Variants in CNOT1 observed in about 807,000 individuals in gnomAD.
The protein encoded by CNOT1 is CCR4-NOT transcription complex subunit 1.
In CNOT1, 15 loss-of-function variants were observed where a neutral mutation model predicts 273.8. That is an observed-to-expected ratio of 0.05 (90% CI 0.04 to 0.08). The LOEUF (loss-of-function observed/expected upper bound fraction) is 0.08. CNOT1 is among the 10% of genes least tolerant of loss of function. The pLI, the probability that CNOT1 is intolerant of heterozygous loss-of-function variation, is 1.00. For synonymous variants in CNOT1, 1,022 were observed against 1,005.5 expected (o/e 1.02, Z -0.31); for missense variants, 1,644 against 2,912.2 (o/e 0.56, Z 10.02).
chr16:58,558,923 A>G (rs557106677), intron 17 of CNOT1, among the ~76,000 whole-genome samples: 1 of 152,218 alleles, frequency 6.6e-6, no homozygotes, highest in Non-Finnish European at 1.5e-5. Flanking sequence ...CTTATTGAAA[A>G]TACTTGGAAC....
At chr16:58,569,356 A>C (rs2041179727) in intron 16 of CNOT1, among the ~76,000 whole-genome samples, 1 of 152,142 alleles carries the variant, frequency 6.6e-6, no homozygotes. Flanking sequence ...TCCTGATCTC[A>C]AGTGATCCAC....
Position 58,614,732 on chromosome 16 carries a change from C to T in CNOT1, c.-175+14996G>A, listed in dbSNP as rs569726059. Among the ~76,000 whole-genome samples, 8 of 125,188 alleles carry T rather than the reference C, an allele frequency of 6.4e-5. 2 individuals carry two copies. Among genetic ancestry groups the T allele is most frequent in the Admixed American group, 1.6e-4 (2 of 12,724 alleles). The allele number at this position is 125,188 out of a possible 152,430, so 82.1% of individuals were successfully genotyped here. A position where few individuals can be genotyped will look rare whatever the true frequency, so the allele number is the denominator to read the frequency against. Reference sequence around the variant, plus strand: ...TTTATTGTATTTTATTTTTTTGAGACGGGGTCTCACTCTGTCGCCCAGGAT... The same window carrying T: ...TTTATTGTATTTTATTTTTTTGAGATGGGGTCTCACTCTGTCGCCCAGGAT... On this transcript the variant is annotated intron_variant, in intron 1 of 48. Transcript: ENST00000317147.
At chr16:58,521,526 G>A (rs1297859440) in intron 47 of CNOT1, among the ~76,000 whole-genome samples, 4 of 152,188 alleles carry the variant, frequency 2.6e-5, no homozygotes, top group African/African-American at 9.6e-5. Context: ...AGAAGACTAA[G>A]TATTTATATA....
chr16:58,582,586 T>C (rs1410688779), intron 10 of CNOT1, among the ~76,000 whole-genome samples: 2 of 152,142 alleles, frequency 1.3e-5, no homozygotes, highest in Non-Finnish European at 2.9e-5. Flanking sequence ...TAAACAAGAG[T>C]AACTTAGAAG....
chr16:58,542,370 T>C, intron 32 of CNOT1, 35 bp from the exon 33 acceptor site: 4 of 1,613,686 alleles, frequency 2.5e-6, no homozygotes, highest in East Asian at 2.2e-5. Context: ...GTTCTTGTTA[T>C]AAGGCACTTC....
intron 30 of CNOT1, among the ~76,000 whole-genome samples, chr16:58,544,400 T>C (rs113286687): frequency 3.9e-5 from 6 of 152,110 alleles, no homozygotes; most frequent in African/African-American, 1.4e-4. Context: ...TTATTGCAGG[T>C]GTAAATTATG....
chr16:58,604,837 A>G (rs1171162747), intron 1 of CNOT1, among the ~76,000 whole-genome samples: 1 of 148,792 alleles, frequency 6.7e-6, no homozygotes, highest in African/African-American at 2.5e-5. Context: ...TTAAAAAAAA[A>G]AAAAAAAACC....
At chr16:58,555,681 G>A (rs2040607134) in intron 20 of CNOT1, 103 bp downstream of exon 20, 35 of 1,566,798 alleles carry the variant, frequency 2.2e-5, no homozygotes, top group Admixed American at 1.3e-4. Context: ...AACACAAACC[G>A]CTATATCAGG....
chr16:58,588,957 A>G (rs2041963068), intron 2 of CNOT1, 51 bp from the exon 3 acceptor site: 1 of 1,511,438 alleles, frequency 6.6e-7, no homozygotes, highest in Admixed American at 2.5e-5. Context: ...AAACAAAAAA[A>G]AAAAGTAAGG....
intron 1 of CNOT1, among the ~76,000 whole-genome samples, chr16:58,602,577 A>T (rs527926710): frequency 6.9e-6 from 1 of 144,786 alleles, no homozygotes; most frequent in Admixed American, 7.0e-5. Context: ...AAAAAAAAAA[A>T]CCCATCCATA....
intron 39 of CNOT1, 136 bp downstream of exon 39, chr16:58,536,853 A>G (rs1031140315): frequency 1.5e-6 from 2 of 1,358,748 alleles, no homozygotes; most frequent in African/African-American, 1.5e-5. Context: ...TTAACCATAT[A>G]ATGATGACAG....
intron 1 of CNOT1, among the ~76,000 whole-genome samples, chr16:58,608,950 T>C (rs1243136674): frequency 6.6e-6 from 1 of 152,112 alleles, no homozygotes; most frequent in Non-Finnish European, 1.5e-5. Context: ...ACAATAGACC[T>C]TGGGGATTCA....
At chr16:58,608,148 C>G (rs1290317034) in intron 1 of CNOT1, among the ~76,000 whole-genome samples, 1 of 151,744 alleles carries the variant, frequency 6.6e-6, no homozygotes, top group Non-Finnish European at 1.5e-5. Flanking sequence ...TTCACTCCAG[C>G]CAGGGTGACA....
Position 58,551,836 on chromosome 16 carries a change from A to G in CNOT1, c.2971-17T>C. The G allele has an allele frequency of 1.2e-6, 2 of 1,611,866 alleles. No individual in the cohort carries two copies. The highest frequency in any genetic ancestry group is 1.7e-5 in the Admixed American group (1 of 59,900). ...CTCAATATACTAAAAGGGTAGGGAG[A>G]GGAAAAAGAGTTAACCTTAATTGCT... On this transcript the variant is annotated splice_polypyrimidine_tract_variant and intron_variant, in intron 22 of 48. Transcript: ENST00000317147.
Position 58,558,650 on chromosome 16 carries a change from A to G in CNOT1, c.2155T>C (p.Ser719Pro). The G allele has an allele frequency of 6.2e-7, 1 of 1,613,866 alleles. No individual in the cohort carries two copies. Among genetic ancestry groups the G allele is most frequent in the Non-Finnish European group, 8.5e-7 (1 of 1,179,934 alleles). The change falls in exon 18 of 49, where the codon TCT becomes CCT. Residue 719 changes from serine to proline, a missense_variant. Coordinates refer to ENST00000317147, the MANE Select transcript of CNOT1 (RefSeq NM_016284.5). Reference protein sequence around the residue: ...VQIDPLAGMTSLSIGGSAAPH... With the variant: ...VQIDPLAGMTPLSIGGSAAPH... ...GCAGCTGAACCACCTATACTAAGAGATGTCATTCCAGCAAGAGGGTCAATC... is the reference window on the plus strand; with the variant it reads ...GCAGCTGAACCACCTATACTAAGAGGTGTCATTCCAGCAAGAGGGTCAATC...
At chr16:58,542,609 GA>G (rs1281366070) in intron 31 of CNOT1, 41 bp from the exon 32 acceptor site, 1 of 1,532,728 alleles carries the variant, frequency 6.5e-7, no homozygotes, top group Non-Finnish European at 8.9e-7. Context: ...GGAATAGAAG[GA>G]AAAAGACTTG....
At position 58,542,295 on chromosome 16, in the gene CNOT1, C is replaced by G. The variant is rs2040116383; in HGVS notation, c.4616G>C (p.Arg1539Thr). The change falls in exon 33 of 49, where the codon AGA (arginine) becomes ACA (threonine). Residue 1539 changes from arginine (R) to threonine (T), a missense_variant. By Grantham distance (71) the Arg-to-Thr change is moderately conservative. Coordinates refer to ENST00000317147, the MANE Select transcript of CNOT1 (RefSeq NM_016284.5). ...TGTTAAAACAACAGGATCACAGTATCTGCGTCCTTCTTGCCTAGCATGTTT... is the reference window on the plus strand; with the variant it reads ...TGTTAAAACAACAGGATCACAGTATGTGCGTCCTTCTTGCCTAGCATGTTT... ...LRKHARQEGR[R>T]YCDPVVLTYQ... 1 of 1,614,164 alleles carries G rather than the reference C, an allele frequency of 6.2e-7. No homozygotes were observed. Among genetic ancestry groups the G allele is most frequent in the South Asian group, 1.1e-5 (1 of 91,078 alleles).
intron 3 of CNOT1, among the ~76,000 whole-genome samples, 163 bp from the exon 4 acceptor site, chr16:58,588,041 G>A (rs958495023): frequency 3.3e-5 from 5 of 152,168 alleles, no homozygotes; most frequent in Admixed American, 2.6e-4. Flanking sequence ...GTTGACAACC[G>A]TAATCCCAGC....
intron 8 of CNOT1, among the ~76,000 whole-genome samples, chr16:58,585,038 C>CT (rs1240043126): frequency 6.6e-6 from 1 of 152,108 alleles, no homozygotes; most frequent in African/African-American, 2.4e-5. Flanking sequence ...TCCATAAACA[C>CT]TAACTTGCTT....
Sources: allele counts gnomAD v4.1 joint callset (sites outside exome capture counted in the v4.1 genomes callset), GRCh38; gene constraint gnomAD v4.1.1; transcripts MANE v1.5; gene names NCBI Gene and HGNC (gene_info 2026-07-23, HGNC 2026-07-21).